CLEC18B: variants seen among roughly 807,000 people sequenced by gnomAD.
The protein encoded by CLEC18B is C-type lectin domain family 18 member B, also known as mannose receptor-like 2.
Under a neutral mutation model 60.4 loss-of-function variants are expected in CLEC18B, and 5 were observed. That is an observed-to-expected ratio of 0.08 (90% CI 0.04 to 0.17). The LOEUF (loss-of-function observed/expected upper bound fraction) is 0.17. Ranked by LOEUF, CLEC18B falls within the 10% of genes least tolerant of loss-of-function variation. The probability of loss-of-function intolerance (pLI) is 1.00; values close to 1 mark genes in which losing one functional copy is unlikely to be tolerated. For synonymous variants in CLEC18B, 16 were observed against 221.2 expected, an observed-to-expected ratio of 0.07 and a Z score of 8.23; for missense variants, 26 against 572.8, an observed-to-expected ratio of 0.05 and a Z score of 9.74.
At chr16:74,419,308 G>C (rs2013568149) in intron 2 of CLEC18B, among the ~76,000 whole-genome samples, 1 of 152,064 alleles carries the variant, frequency 6.6e-6, no homozygotes, top group African/African-American at 2.4e-5. Context: ...GTCCATCGGG[G>C]TTTTACCTCT....
In CLEC18B at chr16:74,412,897, G is replaced by C; in HGVS notation, c.677-17C>G. The C allele has an allele frequency of 1.9e-6, 3 of 1,612,146 alleles. No individual in the cohort carries two copies. The highest frequency in any genetic ancestry group is 2.5e-6 in the Non-Finnish European group (3 of 1,179,878). On this transcript the variant is annotated splice_polypyrimidine_tract_variant and intron_variant, in intron 5 of 11. Coordinates refer to ENST00000682950, the MANE Select transcript of CLEC18B (RefSeq NM_001385193.1). ...TGGGGACCTCTGGTCAGAGGAGGAG[G>C]GGACTCTGAGAAAAGGGTCGCCTCC... is the stretch of plus-strand genomic sequence containing the variant.
chr16:74,419,029 A>G (rs1285051595), intron 2 of CLEC18B, among the ~76,000 whole-genome samples: 1 of 152,234 alleles, frequency 6.6e-6, no homozygotes, highest in East Asian at 1.9e-4. Context: ...TGCTGACCTT[A>G]GGTGATCTGC....
intron 11 of CLEC18B, among the ~76,000 whole-genome samples, 156 bp downstream of exon 11, chr16:74,409,394 C>T (rs1202724269): frequency 4.7e-5 from 7 of 149,938 alleles, no homozygotes; most frequent in Admixed American, 2.7e-4. Flanking sequence ...GCTCAGGAGC[C>T]CACAGGTACA....
Position 74,412,869 on chromosome 16 carries a change from T to A in CLEC18B, c.688A>T (p.Asn230Tyr), listed in dbSNP as rs1457653375. ...TTCTGGCAGCTCATGCGACAAGGAT[T>A]CCTGGGGACCTCTGGTCAGAGGAGG... ...HAGGLCEVPRNPCRMSCQNHG... is the reference protein window; with the variant it reads ...HAGGLCEVPRYPCRMSCQNHG... Residue 230 changes from asparagine to tyrosine, a missense_variant, in exon 6 of 12, where the codon AAT becomes TAT. Transcript: ENST00000682950. 1 of 1,612,002 alleles carries A rather than the reference T, an allele frequency of 6.2e-7. No individual in the cohort carries two copies. The highest frequency in any genetic ancestry group is 1.1e-5 in the South Asian group (1 of 91,000).
At chr16:74,419,170 GACTCC>G (rs1264310442) in intron 2 of CLEC18B, among the ~76,000 whole-genome samples, 1 of 152,266 alleles carries the variant, frequency 6.6e-6, no homozygotes, top group East Asian at 1.9e-4. Flanking sequence ...GATCTCCCGA[GACTCC>G]CTGAGCTCAT....
intron 3 of CLEC18B, among the ~76,000 whole-genome samples, chr16:74,417,841 C>T (rs1466117184): frequency 6.6e-6 from 1 of 152,196 alleles, no homozygotes; most frequent in Non-Finnish European, 1.5e-5. Context: ...TCACTTGAGC[C>T]CAGGAGGCGG....
intron 7 of CLEC18B, 170 bp from the exon 8 acceptor site, chr16:74,411,945 C>T: frequency 1.4e-6 from 2 of 1,449,582 alleles, no homozygotes; most frequent in Non-Finnish European, 1.9e-6. Context: ...CTTGCTCTCT[C>T]TCAAAAGAAA....
upstream of CLEC18B, among the ~76,000 whole-genome samples, chr16:74,423,621 G>A (rs1567437719): frequency 6.6e-6 from 1 of 152,150 alleles, no homozygotes; most frequent in South Asian, 2.1e-4. Flanking sequence ...TCTGGGAGGC[G>A]GAGGTTGCAG....
At chr16:74,419,287 C>T (rs1462567766) in intron 2 of CLEC18B, among the ~76,000 whole-genome samples, 1 of 152,174 alleles carries the variant, frequency 6.6e-6, no homozygotes, top group Non-Finnish European at 1.5e-5. Flanking sequence ...CCAACTTCAT[C>T]CTGCACTAAT....
rs146433329 is a variant in CLEC18B at position 74,418,152 on chromosome 16, A to G, written c.363T>C (p.Val121=). 5.5e-3 allele frequency: 8,465 copies of G among 1,528,514 alleles called. 131 individuals carry two copies. The highest frequency in any genetic ancestry group is 0.015 in the African/African-American group (995 of 64,730). The allele number at this position is 1,528,514 out of a possible 1,614,324, so 94.7% of individuals were successfully genotyped here. The stretch of plus-strand genomic sequence containing the variant: ...CTGCAAACCACAGGCTGACCACTTC[A>G]ACAAAGGACGCCAAGCCCGCGGGCA... ...QLLPAGLASF[V]EVVSLWFAEG... The change falls in exon 3 of 12, where the codon GTT becomes GTC. Residue 121 remains valine (V), a synonymous_variant. Coordinates refer to ENST00000682950, the MANE Select transcript of CLEC18B (RefSeq NM_001385193.1).
chr16:74,417,624 G>GA (rs2013473900), intron 3 of CLEC18B, among the ~76,000 whole-genome samples: 2 of 121,130 alleles, frequency 1.7e-5, no homozygotes, highest in Admixed American at 9.1e-5. Flanking sequence ...TCCAAAAAAA[G>GA]AAAAAATGTG....
intron 4 of CLEC18B, among the ~76,000 whole-genome samples, 174 bp from the exon 5 acceptor site, chr16:74,413,332 C>G (rs1389542842): frequency 6.6e-6 from 1 of 152,280 alleles, no homozygotes; most frequent in Non-Finnish European, 1.5e-5. Flanking sequence ...GGCCTCCAAA[C>G]CAATCCTGGA....
intron 11 of CLEC18B, 102 bp downstream of exon 11, chr16:74,409,448 C>G: frequency 7.8e-7 from 1 of 1,289,542 alleles, no homozygotes; most frequent in South Asian, 1.4e-5. Context: ...GTGCCCAGAC[C>G]CACTCTGAAC....
intron 2 of CLEC18B, among the ~76,000 whole-genome samples, chr16:74,420,123 C>A (rs1252275147): frequency 1.3e-5 from 2 of 151,864 alleles, no homozygotes; most frequent in African/African-American, 4.8e-5. Flanking sequence ...CCCAGCACGA[C>A]CTTCTCCCTC....
At chr16:74,409,998 A>C in intron 10 of CLEC18B, 1 of 1,562,574 alleles carries the variant, frequency 6.4e-7, no homozygotes, top group Non-Finnish European at 8.7e-7. Context: ...GTTGGCAAGG[A>C]GGGCTGGCTG....
In CLEC18B at chr16:74,413,563, G is replaced by T. The variant is rs776017695; in HGVS notation, c.554+16C>A. 1.2e-6 allele frequency: 2 copies of T among 1,614,086 alleles called. No homozygotes were observed. Among genetic ancestry groups the T allele is most frequent in the Non-Finnish European group, 1.7e-6 (2 of 1,179,888 alleles). On this transcript the variant is annotated intron_variant, in intron 4 of 11. Coordinates refer to ENST00000682950, the MANE Select transcript of CLEC18B (RefSeq NM_001385193.1). ...TGTCTCCCAGACATCCCAGCAGAAG[G>T]TGTAGCAGGGCTTACCCGGGGGAGT...
At chr16:74,409,964 A>G (rs1330582209) in intron 10 of CLEC18B, 1 of 1,597,444 alleles carries the variant, frequency 6.3e-7, no homozygotes, top group Non-Finnish European at 8.5e-7. Context: ...CCTCCAGGCA[A>G]GAGGCCAGGG....
chr16:74,418,590 A>ATG (rs1199846789), intron 2 of CLEC18B, among the ~76,000 whole-genome samples: 1 of 148,486 alleles, frequency 6.7e-6, no homozygotes, highest in Admixed American at 6.8e-5. Context: ...CCATCTGGTC[A>ATG]TGTGAGCAGT....
intron 3 of CLEC18B, 28 bp from the exon 4 acceptor site, chr16:74,413,704 C>T (rs2013291295): frequency 6.2e-7 from 1 of 1,613,502 alleles, no homozygotes; most frequent in Non-Finnish European, 8.5e-7. Flanking sequence ...GATCAGAAAC[C>T]CTATTGTGAA....
Sources: gnomAD v4.1 joint callset for allele counts (sites outside exome capture counted in the v4.1 genomes callset) on GRCh38, gnomAD v4.1.1 for gene constraint, MANE v1.5 for transcripts, NCBI Gene and HGNC (gene_info 2026-07-23, HGNC 2026-07-21) for gene names.